TAF15: variants seen among roughly 807,000 people sequenced by gnomAD.
TAF15 encodes the protein TATA-binding protein-associated factor 2N.
Under a neutral mutation model 102.5 loss-of-function variants are expected in TAF15, and 37 were observed. The ratio of observed to expected loss-of-function variants is 0.36; its 90% CI spans 0.28 to 0.47. The LOEUF (loss-of-function observed/expected upper bound fraction) is 0.47. Among genes scored for constraint, TAF15 ranks in the 20% least tolerant of loss-of-function variants. The pLI is 0.99. For missense variants in TAF15, 652 were observed against 760.7 expected (o/e 0.86, Z 1.68); for synonymous variants, 273 against 259.2 (o/e 1.05, Z -0.51).
At position 35,820,029 on chromosome 17, in the gene TAF15, C is replaced by T. The variant is rs1048679642; in HGVS notation, c.53C>T (p.Ser18Phe). ...GQSGGEQQSYSTYGNPGSQGY... is the reference protein window; with the variant it reads ...GQSGGEQQSYFTYGNPGSQGY... Reference sequence around the variant, plus strand: ...ATTAAATTTTTCTTTTGCAGTTATTCTACCTATGGAAATCCAGGCAGCCAA... The same window carrying T: ...ATTAAATTTTTCTTTTGCAGTTATTTTACCTATGGAAATCCAGGCAGCCAA... The change falls in exon 3 of 16, where the codon TCT becomes TTT. Residue 18 changes from serine to phenylalanine, a missense_variant. Physicochemically the swap from Ser to Phe is radical, Grantham distance 155. Coordinates refer to ENST00000605844, the MANE Select transcript of TAF15 (RefSeq NM_139215.3). 1.9e-6 allele frequency: 3 copies of T among 1,613,750 alleles called. No homozygotes were observed. Among genetic ancestry groups the T allele is most frequent in the African/African-American group, 2.7e-5 (2 of 74,924 alleles).
At chr17:35,829,655 AAG>A (rs1444076826) in intron 7 of TAF15, among the ~76,000 whole-genome samples, 3,850 of 134,768 alleles carry the variant, frequency 0.029, 180 homozygotes, top group African/African-American at 0.049. Flanking sequence ...AAAAAAAAAA[AAG>A]AGAGAGAGAG....
chr17:35,834,742 T>TC (rs1218977404), intron 9 of TAF15, 144 bp downstream of exon 9: 2 of 274,312 alleles, frequency 7.3e-6, no homozygotes, highest in Non-Finnish European at 1.3e-5. Context: ...CTTTATTTCT[T>TC]TTTTTTTTTT....
intron 2 of TAF15, among the ~76,000 whole-genome samples, chr17:35,819,414 A>G (rs566140709): frequency 1.3e-5 from 2 of 152,308 alleles, no homozygotes; most frequent in East Asian, 3.9e-4. Context: ...TAGTCAGTCA[A>G]CAAATATTTA....
Position 35,820,109 on chromosome 17 carries a change from T to C in TAF15, c.99+34T>C, listed in dbSNP as rs141528183. 85 of 1,613,634 alleles carry C rather than the reference T, an allele frequency of 5.3e-5. 1 individual carries two copies. In the African/African-American group the frequency reaches 1.1e-3, roughly 20 times the overall value. On this transcript the variant is annotated intron_variant, in intron 3 of 15. Transcript: ENST00000605844. The stretch of plus-strand genomic sequence containing the variant: ...AAATATAAATTGTATTCTTCATAAG[T>C]AGTTATTTTTATCTTAAGTAGGTGA...
chr17:35,839,922 C>T (rs762585632), intron 11 of TAF15, among the ~76,000 whole-genome samples: 14 of 152,138 alleles, frequency 9.2e-5, no homozygotes, highest in Non-Finnish European at 1.8e-4. Flanking sequence ...CAGTAACTAA[C>T]ACTTACTGCA....
At chr17:35,837,523 C>T (rs4251769) in intron 10 of TAF15, among the ~76,000 whole-genome samples, 24,611 of 151,568 alleles carry the variant, frequency 0.16, 2,229 homozygotes, top group East Asian at 0.33. Context: ...CCCAGTGTAA[C>T]GTTTTAGAAG....
At chr17:35,816,618 A>G (rs1361005673) in intron 1 of TAF15, 1 of 152,126 alleles carries the variant, frequency 6.6e-6, no homozygotes, top group African/African-American at 2.4e-5. Flanking sequence ...CATTTTTTGC[A>G]GTTGCAAAAG....
intron 1 of TAF15, among the ~76,000 whole-genome samples, chr17:35,816,330 C>T (rs1232939330): frequency 6.6e-6 from 1 of 152,064 alleles, no homozygotes; most frequent in Non-Finnish European, 1.5e-5. Context: ...GTTACTGAGC[C>T]CCTATCTCTA....
intron 10 of TAF15, 23 bp downstream of exon 10, chr17:35,836,264 GA>G: frequency 6.9e-7 from 1 of 1,450,822 alleles, no homozygotes; most frequent in Non-Finnish European, 9.7e-7. Flanking sequence ...ATTATATGTT[GA>G]AAATCTCATA....
At chr17:35,842,326 ATAGAGTAG>A in intron 11 of TAF15, 33 bp from the exon 12 acceptor site, 2 of 1,468,088 alleles carry the variant, frequency 1.4e-6, no homozygotes, top group Non-Finnish European at 1.9e-6. Context: ...AGGTGGAGGT[ATAGAGTAG>A]CATTGCTTCA....
At chr17:35,818,832 T>G (rs2087225112) in intron 2 of TAF15, 1 of 152,116 alleles carries the variant, frequency 6.6e-6, no homozygotes, top group African/African-American at 2.4e-5. Context: ...AAAAAAAGTT[T>G]AAGCAATTGA....
intron 6 of TAF15, 113 bp from the exon 7 acceptor site, chr17:35,823,965 A>G: frequency 7.6e-7 from 1 of 1,317,756 alleles, no homozygotes; most frequent in Non-Finnish European, 1.1e-6. Context: ...AGTTGTGTGC[A>G]CATGTGCCAT....
At chr17:35,826,250 G>A (rs2087323938) in intron 7 of TAF15, among the ~76,000 whole-genome samples, 1 of 152,092 alleles carries the variant, frequency 6.6e-6, no homozygotes, top group Admixed American at 6.6e-5. Context: ...TGGTTTCAGT[G>A]GGGGAAAGGT....
chr17:35,814,168 G>A (rs1271124718), intron 1 of TAF15, among the ~76,000 whole-genome samples: 1 of 151,514 alleles, frequency 6.6e-6, no homozygotes, highest in Non-Finnish European at 1.5e-5. Flanking sequence ...CAACCAAAAG[G>A]TGATTTTTTT....
At chr17:35,836,685 A>G (rs2087479009) in intron 10 of TAF15, among the ~76,000 whole-genome samples, 1 of 152,114 alleles carries the variant, frequency 6.6e-6, no homozygotes, top group South Asian at 2.1e-4. Flanking sequence ...TATGTTTTTC[A>G]TCTCTTCAAC....
chr17:35,813,724 TGGA>T (rs2087156270), intron 1 of TAF15, among the ~76,000 whole-genome samples: 1 of 133,260 alleles, frequency 7.5e-6, no homozygotes, highest in South Asian at 2.4e-4. Flanking sequence ...AAGGAGAAAA[TGGA>T]GGAAGAATCA....
intron 7 of TAF15, among the ~76,000 whole-genome samples, chr17:35,832,000 C>T (rs1372235862): frequency 2.0e-5 from 3 of 152,130 alleles, no homozygotes; most frequent in African/African-American, 4.8e-5. Context: ...ATGGCATGAA[C>T]CCGGGAGGCG....
At chr17:35,812,323 G>A (rs536361790) in intron 1 of TAF15, among the ~76,000 whole-genome samples, 18 of 152,092 alleles carry the variant, frequency 1.2e-4, no homozygotes, top group Admixed American at 1.3e-4. Flanking sequence ...ACGGCTGGGC[G>A]TGGTGGCTCA....
chr17:35,811,844 C>T (rs2087127661), intron 1 of TAF15, among the ~76,000 whole-genome samples: 1 of 152,222 alleles, frequency 6.6e-6, no homozygotes, highest in Non-Finnish European at 1.5e-5. Context: ...ACTTCTCATT[C>T]TGGCAGTGTG....
Sources: allele counts gnomAD v4.1 joint callset (sites outside exome capture counted in the v4.1 genomes callset), GRCh38; gene constraint gnomAD v4.1.1; transcripts MANE v1.5; gene names NCBI Gene and HGNC (gene_info 2026-07-23, HGNC 2026-07-21).